SLITRK6: variants seen among roughly 807,000 people sequenced by gnomAD.
SLITRK6 encodes SLIT and NTRK-like protein 6.
SLITRK6 carries 35 observed loss-of-function variants against 55.6 expected under a neutral mutation model. The ratio of observed to expected loss-of-function variants is 0.63; its 90% CI spans 0.48 to 0.83. The LOEUF (loss-of-function observed/expected upper bound fraction) is 0.83, where lower values mean the gene tolerates loss of function less well. Among genes scored for constraint, SLITRK6 ranks in the 40% least tolerant of loss-of-function variants. SLITRK6 has a pLI of 0.00. For synonymous variants in SLITRK6, 392 were observed against 359.6 expected (o/e 1.09, Z -1.02); for missense variants, 977 against 986.4 (o/e 0.99, Z 0.13).
chr13:85,795,996 A>G lies in SLITRK6; in HGVS notation c.513T>C (p.Ala171=), dbSNP rs2137170082. 1.9e-6 allele frequency: 3 copies of G among 1,613,168 alleles called. No individual in the cohort carries two copies. The highest frequency in any genetic ancestry group is 2.5e-6 in the Non-Finnish European group (3 of 1,179,450). ...AGATGTTTGGAGGAAGACTCTCAAT[A>G]GCATTGTCATTTAAAATTAACACTT... The part of the protein sequence containing the change: ...RLKVLILNDN[A]IESLPPNIFR... The change falls in exon 2 of 2, where the codon GCT becomes GCC. Residue 171 remains alanine, a synonymous_variant. Transcript: ENST00000647374.
Position 85,796,496 on chromosome 13 carries a change from T to A in SLITRK6, c.13A>T (p.Ile5Phe), listed in dbSNP as rs756961214. The A allele has an allele frequency of 1.4e-5, 22 of 1,540,702 alleles. No individual in the cohort carries two copies. The highest frequency in any genetic ancestry group is 1.9e-5 in the Non-Finnish European group (22 of 1,149,164). MKLWIHLFYSSLLAC... is the reference protein window; with the variant it reads MKLWFHLFYSSLLAC... ...AGGAGAGATGAATAAAAGAGATGAA[T>A]CCACAGCTTCATGTTGTCATGTGAT... Residue 5 changes from isoleucine to phenylalanine, a missense_variant, in exon 2 of 2, where the codon ATT (isoleucine) becomes TTT (phenylalanine). Physicochemically the swap from Ile to Phe is conservative, Grantham distance 21. Coordinates refer to ENST00000647374, the MANE Select transcript of SLITRK6 (RefSeq NM_032229.3).
rs1168402869 is a variant in SLITRK6 at position 85,795,477 on chromosome 13, T to C, written c.1032A>G (p.Leu344=). The C allele has an allele frequency of 6.2e-7, 1 of 1,613,078 alleles. No individual in the cohort carries two copies. Residue 344 remains leucine, a synonymous_variant, in exon 2 of 2, where the codon CTA becomes CTG. Coordinates refer to ENST00000647374, the MANE Select transcript of SLITRK6 (RefSeq NM_032229.3). ...CAATGTTGCGCTCCTGACAATGTAT[T>C]AGAAGTCCTGATGGGGATAGGACTT... ...NCKVLSPSGL[L]IHCQERNIES... is the part of the protein sequence containing the mutation.
In SLITRK6 at chr13:85,794,594, A is replaced by C; in HGVS notation, c.1915T>G (p.Tyr639Asp). Residue 639 changes from tyrosine (Y) to aspartate (D), a missense_variant, in exon 2 of 2, where the codon TAC becomes GAC. By Grantham distance (160) the Tyr-to-Asp change is radical. Coordinates refer to ENST00000647374, the MANE Select transcript of SLITRK6 (RefSeq NM_032229.3). ...TGCTCATCTACTTGTTTCTTTTTGTATCTTCTCCTGCGGTGAAGAACAAGA... is the reference window on the plus strand; with the variant it reads ...TGCTCATCTACTTGTTTCTTTTTGTCTCTTCTCCTGCGGTGAAGAACAAGA... Reference protein sequence around the residue: ...VVLVLHRRRRYKKKQVDEQMR... With the variant: ...VVLVLHRRRRDKKKQVDEQMR... 1.2e-6 allele frequency: 2 copies of C among 1,613,130 alleles called. No homozygotes were observed. The highest frequency in any genetic ancestry group is 1.7e-6 in the Non-Finnish European group (2 of 1,179,502).
At chr13:85,797,607 C>G (rs1040522533) in intron 1 of SLITRK6, among the ~76,000 whole-genome samples, 5 of 151,686 alleles carry the variant, frequency 3.3e-5, no homozygotes, top group African/African-American at 1.2e-4. Context: ...AAGTCGCAAA[C>G]AATGAAATCT....
Position 85,794,036 on chromosome 13 carries a change from C to T in SLITRK6, c.2473G>A (p.Ala825Thr). The change falls in exon 2 of 2, where the codon GCT (alanine) becomes ACT (threonine). Residue 825 changes from alanine (A) to threonine (T), a missense_variant. Transcript: ENST00000647374. ...TAGTCAGGTTCAGCATGTAAATTAG[C>T]TTTAAGTTCAAAATACTCATTTTTT... Reference protein sequence around the residue: ...QTKNEYFELKANLHAEPDYLE... With the variant: ...QTKNEYFELKTNLHAEPDYLE... 2 of 1,611,684 alleles carry T rather than the reference C, an allele frequency of 1.2e-6. No homozygotes were observed. Among genetic ancestry groups the T allele is most frequent in the Non-Finnish European group, 1.7e-6 (2 of 1,178,894 alleles).
At position 85,796,028 on chromosome 13, in the gene SLITRK6, T is replaced by A. The variant is rs745847609; in HGVS notation, c.481A>T (p.Arg161Ter). 6.2e-7 allele frequency: 1 copy of A among 1,613,048 alleles called. No individual in the cohort carries two copies. The highest frequency in any genetic ancestry group is 1.3e-5 in the African/African-American group (1 of 74,850). Reference protein sequence around the residue: ...IEPSAFSKLNRLKVLILNDNA... With the variant: ...IEPSAFSKLN ...TCATTTAAAATTAACACTTTGAGTC[T>A]GTTGAGCTTGCTAAAGGCACTTGGT... The change falls in exon 2 of 2, where the codon AGA (arginine) becomes TGA (stop). Residue 161 changes from arginine to a stop codon, truncating the protein, a stop_gained. Transcript: ENST00000647374. LOFTEE classifies it high-confidence loss of function.
chr13:85,793,896 T>C lies in SLITRK6; in HGVS notation c.*87A>G, dbSNP rs1874615680. On this transcript the variant is annotated 3_prime_UTR_variant, in exon 2 of 2. Coordinates refer to ENST00000647374, the MANE Select transcript of SLITRK6 (RefSeq NM_032229.3). ...ACTGCTGTGCTTAGGTTCTGATTGA[T>C]GACACACTCACGTAAGGCACTTATT... The C allele has an allele frequency of 1.0e-5, 15 of 1,440,112 alleles. No homozygotes were observed. The highest frequency in any genetic ancestry group is 1.0e-4 in the South Asian group (7 of 68,634). 89.2% of individuals were successfully genotyped at this position (1,440,112 alleles called of 1,614,324 possible).
At position 85,794,767 on chromosome 13, in the gene SLITRK6, T is replaced by C. The variant is rs1406933998; in HGVS notation, c.1742A>G (p.Tyr581Cys). 1 of 1,613,094 alleles carries C rather than the reference T, an allele frequency of 6.2e-7. No individual in the cohort carries two copies. The highest frequency in any genetic ancestry group is 1.3e-5 in the African/African-American group (1 of 74,816). The change falls in exon 2 of 2, where the codon TAC (tyrosine) becomes TGC (cysteine). Residue 581 changes from tyrosine (Y) to cysteine (C), a missense_variant. Tyr to Cys is a radical substitution (Grantham distance 194). Coordinates refer to ENST00000647374, the MANE Select transcript of SLITRK6 (RefSeq NM_032229.3). Reference sequence around the variant, plus strand: ...TGTTGCAGGAGTGGTGACCATAAGGTAACTAGTCTGTGTTGGCATGGATGG... The same window carrying C: ...TGTTGCAGGAGTGGTGACCATAAGGCAACTAGTCTGTGTTGGCATGGATGG... ...NNPSMPTQTSYLMVTTPATTT... is the reference protein window; with the variant it reads ...NNPSMPTQTSCLMVTTPATTT...
In SLITRK6 at chr13:85,793,840, TTTTC is replaced by T. The variant is rs1314821630; in HGVS notation, c.*139_*142del. The T allele has an allele frequency of 1.3e-5, 12 of 929,688 alleles. No individual in the cohort carries two copies. Among genetic ancestry groups the T allele is most frequent in the South Asian group, 2.5e-5 (1 of 39,396 alleles). 57.6% of individuals were successfully genotyped at this position (929,688 alleles called of 1,614,324 possible). A position where few individuals can be genotyped will look rare whatever the true frequency, so the allele number is the denominator to read the frequency against. Reference sequence around the variant, plus strand: ...TTCTCCCAGTGATCCCTGAGTTTCTTTTTCTTCTTCTTTTTTTTTCCCCATAGTT... The same window carrying T: ...TTCTCCCAGTGATCCCTGAGTTTCTTTTCTTCTTTTTTTTTCCCCATAGTT... On this transcript the variant is annotated 3_prime_UTR_variant, in exon 2 of 2. Coordinates refer to ENST00000647374, the MANE Select transcript of SLITRK6 (RefSeq NM_032229.3).
Position 85,794,779 on chromosome 13 carries a change from G to A in SLITRK6, c.1730C>T (p.Thr577Ile), listed in dbSNP as rs756525658. ...PGLVNNPSMPTQTSYLMVTTP... is the reference protein window; with the variant it reads ...PGLVNNPSMPIQTSYLMVTTP... The stretch of plus-strand genomic sequence containing the variant: ...GGTGACCATAAGGTAACTAGTCTGT[G>A]TTGGCATGGATGGGTTATTTACTAA... Residue 577 changes from threonine to isoleucine, a missense_variant, in exon 2 of 2, where the codon ACA (threonine) becomes ATA (isoleucine). Thr to Ile is a moderately conservative substitution (Grantham distance 89). Coordinates refer to ENST00000647374, the MANE Select transcript of SLITRK6 (RefSeq NM_032229.3). 6.2e-7 allele frequency: 1 copy of A among 1,613,074 alleles called. No individual in the cohort carries two copies. The highest frequency in any genetic ancestry group is 1.3e-5 in the African/African-American group (1 of 74,816).
chr13:85,797,607 CAATG>C (rs1235833249), intron 1 of SLITRK6, among the ~76,000 whole-genome samples: 1 of 151,570 alleles, frequency 6.6e-6, no homozygotes, highest in Non-Finnish European at 1.5e-5. Flanking sequence ...AAGTCGCAAA[CAATG>C]AAATCTGAAA....
rs1237420029 is a variant in SLITRK6 at position 85,793,157 on chromosome 13, T to C, written c.*826A>G. ...TATGAAATAAAGCAAACCCAATATATTCTCTAGTCATATTTACAGCAGAAT... is the reference window on the plus strand; with the variant it reads ...TATGAAATAAAGCAAACCCAATATACTCTCTAGTCATATTTACAGCAGAAT... On this transcript the variant is annotated 3_prime_UTR_variant, in exon 2 of 2. Transcript: ENST00000647374. 2.6e-5 allele frequency: 4 copies of C among 152,062 alleles called. No individual in the cohort carries two copies. The highest frequency in any genetic ancestry group is 9.7e-5 in the African/African-American group (4 of 41,432). 9.4% of individuals were successfully genotyped at this position (152,062 alleles called of 1,614,324 possible).
Position 85,795,551 on chromosome 13 carries a change from G to A in SLITRK6, c.958C>T (p.Pro320Ser). Reference sequence around the variant, plus strand: ...TAAGGTCCTGGAAGTTGAGTGGATGGCTTTGTAATATAAGGTATCAAACCT... The same window carrying A: ...TAAGGTCCTGGAAGTTGAGTGGATGACTTTGTAATATAAGGTATCAAACCT... ...APGLIPYITK[P>S]STQLPGPYCP... Residue 320 changes from proline (P) to serine (S), a missense_variant, in exon 2 of 2, where the codon CCA becomes TCA. Coordinates refer to ENST00000647374, the MANE Select transcript of SLITRK6 (RefSeq NM_032229.3). 6.2e-7 allele frequency: 1 copy of A among 1,612,852 alleles called. No individual in the cohort carries two copies. The highest frequency in any genetic ancestry group is 8.5e-7 in the Non-Finnish European group (1 of 1,179,368).
In SLITRK6 at chr13:85,795,803, T is replaced by C. The variant is rs754245845; in HGVS notation, c.706A>G (p.Met236Val). The stretch of plus-strand genomic sequence containing the variant: ...TCACCAATTATAGACTGTGGAGGCA[T>C]GTTCTCCAACCAAGTTTTTAACTGC... The part of the protein sequence containing the change: ...LLQLKTWLEN[M>V]PPQSIIGDVV... The change falls in exon 2 of 2, where the codon ATG (methionine) becomes GTG (valine). Residue 236 changes from methionine to valine, a missense_variant. Coordinates refer to ENST00000647374, the MANE Select transcript of SLITRK6 (RefSeq NM_032229.3). 1.2e-6 allele frequency: 2 copies of C among 1,612,872 alleles called. No homozygotes were observed. Among genetic ancestry groups the C allele is most frequent in the South Asian group, 2.2e-5 (2 of 91,072 alleles).
chr13:85,794,910 T>C lies in SLITRK6; in HGVS notation c.1599A>G (p.Gln533=). 1 of 1,613,050 alleles carries C rather than the reference T, an allele frequency of 6.2e-7. No individual in the cohort carries two copies. The highest frequency in any genetic ancestry group is 8.5e-7 in the Non-Finnish European group (1 of 1,179,474). The change falls in exon 2 of 2, where the codon CAA becomes CAG. Residue 533 remains glutamine (Q), a synonymous_variant. Transcript: ENST00000647374. ...CTGTCACTGTGTTCTTGCTTAACTT[T>C]TGTATCCATTGCTGCAGTCCAACCA... is the stretch of plus-strand genomic sequence containing the variant. ...CDLVGLQQWI[Q]KLSKNTVTDD...
In SLITRK6 at chr13:85,795,246, G is replaced by T. The variant is rs1231051431; in HGVS notation, c.1263C>A (p.Asn421Lys). 1 of 1,612,522 alleles carries T rather than the reference G, an allele frequency of 6.2e-7. No homozygotes were observed. Among genetic ancestry groups the T allele is most frequent in the East Asian group, 2.2e-5 (1 of 44,812 alleles). ...TGCCTTTACTTAATTTGGTCAGGTG[G>T]TTACCATTTAGATAGAGTTTTTGTA... Reference protein sequence around the residue: ...TRLQKLYLNGNHLTKLSKGMF... With the variant: ...TRLQKLYLNGKHLTKLSKGMF... Residue 421 changes from asparagine (N) to lysine (K), a missense_variant, in exon 2 of 2, where the codon AAC becomes AAA. Coordinates refer to ENST00000647374, the MANE Select transcript of SLITRK6 (RefSeq NM_032229.3).
chr13:85,797,404 A>G (rs1197971492), intron 1 of SLITRK6, among the ~76,000 whole-genome samples: 4 of 151,624 alleles, frequency 2.6e-5, no homozygotes. Context: ...TACGTTATAG[A>G]TGAGGTGGAA....
chr13:85,794,723 TATC>T lies in SLITRK6; in HGVS notation c.1783_1785del (p.Asp595del), dbSNP rs758775064. On this transcript the variant is annotated inframe_deletion, in exon 2 of 2. Coordinates refer to ENST00000647374, the MANE Select transcript of SLITRK6 (RefSeq NM_032229.3). Reference sequence around the variant, plus strand: ...GCGTCCGTAAGAGATCGTAAAATAGTATCAGCCGTATTTGTTGTTGTTGCAGGA... The same window carrying T: ...GCGTCCGTAAGAGATCGTAAAATAGTAGCCGTATTTGTTGTTGTTGCAGGA... The T allele has an allele frequency of 3.7e-6, 6 of 1,613,140 alleles. No individual in the cohort carries two copies. The East Asian group carries it at 1.3e-4, about 36-fold the overall frequency.
rs758002529 is a variant in SLITRK6 at position 85,796,386 on chromosome 13, A to G, written c.123T>C (p.Asp41=). The G allele has an allele frequency of 5.6e-6, 9 of 1,612,562 alleles. No homozygotes were observed. The African/African-American group carries it at 8.0e-5, about 14-fold the overall frequency. The change falls in exon 2 of 2, where the codon GAT becomes GAC. Residue 41 remains aspartate (D), a synonymous_variant. Coordinates refer to ENST00000647374, the MANE Select transcript of SLITRK6 (RefSeq NM_032229.3). ...CTTCACAATTTATTAGCATTGTGCCATCTTTTTCCTCACAATTGCAAAGAG... is the reference window on the plus strand; with the variant it reads ...CTTCACAATTTATTAGCATTGTGCCGTCTTTTTCCTCACAATTGCAAAGAG... ...CDSLCNCEEK[D]GTMLINCEAK... is the part of the protein sequence containing the mutation.
Sources: allele counts gnomAD v4.1 joint callset (sites outside exome capture counted in the v4.1 genomes callset), GRCh38; gene constraint gnomAD v4.1.1; transcripts MANE v1.5; gene names NCBI Gene and HGNC (gene_info 2026-07-23, HGNC 2026-07-21).